Variants in JAM3 observed in about 807,000 individuals in gnomAD.
The protein encoded by JAM3 is junctional adhesion molecule C.
JAM3 carries 31 observed loss-of-function variants against 39.4 expected under a neutral mutation model. The ratio of observed to expected loss-of-function variants is 0.79; its 90% CI spans 0.59 to 1.06. JAM3 has a LOEUF of 1.06. Among genes scored for constraint, JAM3 ranks in the 50% least tolerant of loss-of-function variants. The pLI is 0.00. For missense variants in JAM3, 455 were observed against 391.4 expected (o/e 1.16, Z -1.37); for synonymous variants, 182 against 148.7 (o/e 1.22, Z -1.63).
intron 1 of JAM3, among the ~76,000 whole-genome samples, chr11:134,106,111 A>G (rs1285547413): frequency 2.6e-5 from 4 of 152,182 alleles, no homozygotes; most frequent in South Asian, 2.1e-4. Context: ...CTACAAGGCT[A>G]CAGTAACCAA....
intron 1 of JAM3, among the ~76,000 whole-genome samples, chr11:134,098,980 G>A (rs1470992456): frequency 1.3e-5 from 2 of 152,082 alleles, no homozygotes; most frequent in African/African-American, 4.8e-5. Context: ...TGGGCAGATT[G>A]CTTGAGCCCA....
intron 1 of JAM3, among the ~76,000 whole-genome samples, chr11:134,116,688 C>G (rs532700291): frequency 6.6e-6 from 1 of 151,980 alleles, no homozygotes; most frequent in African/African-American, 2.4e-5. Context: ...ATATGGGAAA[C>G]TAGACCTGGG....
chr11:134,106,526 A>C (rs1159548219), intron 1 of JAM3, among the ~76,000 whole-genome samples: 1 of 152,252 alleles, frequency 6.6e-6, no homozygotes, highest in Non-Finnish European at 1.5e-5. Context: ...TCTGCACAGC[A>C]AAAGAAACTA....
intron 1 of JAM3, 29 bp downstream of exon 1, chr11:134,069,188 G>C: frequency 6.2e-7 from 1 of 1,610,066 alleles, no homozygotes; most frequent in South Asian, 1.1e-5. Context: ...GCTGTTGGGA[G>C]ACTAGGGTCT....
At chr11:134,096,495 G>C (rs1332751735) in intron 1 of JAM3, among the ~76,000 whole-genome samples, 1 of 152,148 alleles carries the variant, frequency 6.6e-6, no homozygotes, top group Admixed American at 6.5e-5. Flanking sequence ...GTACATAGTA[G>C]TGTTTTATTA....
In JAM3 at chr11:134,151,397, C is replaced by T. The variant is rs913873211; in HGVS notation, c.*2216C>T. The T allele has an allele frequency of 1.2e-4, 18 of 152,260 alleles. No homozygotes were observed. The highest frequency in any genetic ancestry group is 3.9e-4 in the African/African-American group (16 of 41,538). The allele number at this position is 152,260 out of a possible 1,614,324, so 9.4% of individuals were successfully genotyped here. ...GAGAGGGATGGCTCCCCACCCTCAG[C>T]GTTGGGGATTCACGCTCCAGCCTCC... On this transcript the variant is annotated 3_prime_UTR_variant, in exon 9 of 9. Coordinates refer to ENST00000299106, the MANE Select transcript of JAM3 (RefSeq NM_032801.5).
chr11:134,145,971 ACT>A lies in JAM3; in HGVS notation c.641_642del (p.Ser214TrpfsTer10), dbSNP rs1356719759. 6.2e-7 allele frequency: 1 copy of A among 1,613,576 alleles called. No homozygotes were observed. The highest frequency in any genetic ancestry group is 1.1e-5 in the South Asian group (1 of 91,050). On this transcript the variant is annotated frameshift_variant, in exon 6 of 9. Transcript: ENST00000299106. LOFTEE classifies it high-confidence loss of function. ...GTGTTCACTGCTGTTCACAAGGACG[ACT>A]CTGGGCAGTACTACTGCATTGCTTC...
At chr11:134,145,106 C>T (rs910958964) in intron 5 of JAM3, 112 bp downstream of exon 5, 3 of 905,642 alleles carry the variant, frequency 3.3e-6, no homozygotes, top group Non-Finnish European at 1.8e-6. Context: ...AGACAGGAGT[C>T]AAAAATCTAG....
At chr11:134,122,417 C>G (rs1345143559) in intron 1 of JAM3, among the ~76,000 whole-genome samples, 1 of 152,182 alleles carries the variant, frequency 6.6e-6, no homozygotes, top group Non-Finnish European at 1.5e-5. Flanking sequence ...TCCATGCAGC[C>G]TGATCGTAAC....
chr11:134,121,850 C>A lies in JAM3; in HGVS notation c.77-18001C>A, dbSNP rs530337970. On this transcript the variant is annotated intron_variant, in intron 1 of 8. Coordinates refer to ENST00000299106, the MANE Select transcript of JAM3 (RefSeq NM_032801.5). ...ACACACACACACACACACACACACACACCCTCCTCCCAAACAAAATTCAGA... is the reference window on the plus strand; with the variant it reads ...ACACACACACACACACACACACACAAACCCTCCTCCCAAACAAAATTCAGA... Among the ~76,000 whole-genome samples, 17 of 152,166 alleles carry A rather than the reference C, an allele frequency of 1.1e-4. No individual in the cohort carries two copies. In the East Asian group the frequency reaches 2.7e-3, roughly 24 times the overall value.
intron 1 of JAM3, among the ~76,000 whole-genome samples, chr11:134,117,206 A>G (rs1200397188): frequency 6.6e-6 from 1 of 152,126 alleles, no homozygotes; most frequent in South Asian, 2.1e-4. Context: ...TACTAAAAGT[A>G]CAAAAAATAA....
chr11:134,134,332 C>A (rs1431255532), intron 1 of JAM3, among the ~76,000 whole-genome samples: 3 of 130,338 alleles, frequency 2.3e-5, no homozygotes, highest in Non-Finnish European at 4.7e-5. Flanking sequence ...AGAATTTCCC[C>A]AAATTAATGC....
In JAM3 at chr11:134,089,189, C is replaced by T. The variant is rs540051405; in HGVS notation, c.76+20030C>T. Among the ~76,000 whole-genome samples, 3 of 152,276 alleles carry T rather than the reference C, an allele frequency of 2.0e-5. No individual in the cohort carries two copies. The South Asian group carries it at 6.2e-4, about 32-fold the overall frequency. On this transcript the variant is annotated intron_variant, in intron 1 of 8. Coordinates refer to ENST00000299106, the MANE Select transcript of JAM3 (RefSeq NM_032801.5). ...GTGTCTCCCATTCTTTCTTTATATA[C>T]TTTCCAGTTCGTGGTTTTTAATAAA...
At chr11:134,131,840 G>A (rs1033115775) in intron 1 of JAM3, among the ~76,000 whole-genome samples, 2 of 152,138 alleles carry the variant, frequency 1.3e-5, no homozygotes, top group African/African-American at 4.8e-5. Flanking sequence ...GATTGATGCA[G>A]ATAGAAGAAA....
intron 1 of JAM3, among the ~76,000 whole-genome samples, chr11:134,105,304 C>T (rs1942162392): frequency 6.6e-6 from 1 of 152,126 alleles, no homozygotes; most frequent in Admixed American, 6.5e-5. Context: ...AATTCAACAG[C>T]CCTTCATGCT....
chr11:134,134,398 C>CAAAAAAAAGAAAAAAA (rs1942823303), intron 1 of JAM3, among the ~76,000 whole-genome samples: 1 of 31,922 alleles, frequency 3.1e-5, no homozygotes, highest in Non-Finnish European at 5.5e-5. Context: ...GGATAAATGC[C>CAAAAAAAAGAAAAAAA]AAAAAAAAAA....
chr11:134,129,932 G>T (rs1217762570), intron 1 of JAM3, among the ~76,000 whole-genome samples: 1 of 152,100 alleles, frequency 6.6e-6, no homozygotes, highest in African/African-American at 2.4e-5. Context: ...AACATGGGAG[G>T]CGGAAGTTGC....
rs1283255663 is a variant in JAM3 at position 134,093,120 on chromosome 11, C to T, written c.76+23961C>T. 2.3e-5 allele frequency among the ~76,000 whole-genome samples: 3 copies of T among 130,676 alleles called. 1 individual carries two copies. Among genetic ancestry groups the T allele is most frequent in the Non-Finnish European group, 4.8e-5 (3 of 62,300 alleles). The allele number at this position is 130,676 out of a possible 152,430, so 85.7% of individuals were successfully genotyped here. On this transcript the variant is annotated intron_variant, in intron 1 of 8. Coordinates refer to ENST00000299106, the MANE Select transcript of JAM3 (RefSeq NM_032801.5). ...ATGTCACTTCCTGAGGGAAGCTTCT[C>T]CTGAGCCCTCTTTATTCATCATGTT...
chr11:134,106,023 A>T (rs1942178564), intron 1 of JAM3, among the ~76,000 whole-genome samples: 1 of 152,250 alleles, frequency 6.6e-6, no homozygotes, highest in Non-Finnish European at 1.5e-5. Context: ...GGAACCAAAA[A>T]AGAGCCCACA....
Sources: gnomAD v4.1 joint callset for allele counts (sites outside exome capture counted in the v4.1 genomes callset) on GRCh38, gnomAD v4.1.1 for gene constraint, MANE v1.5 for transcripts, NCBI Gene and HGNC (gene_info 2026-07-23, HGNC 2026-07-21) for gene names.